SYN3: variants seen among roughly 807,000 people sequenced by gnomAD.
SYN3 encodes the protein synapsin III.
Under a neutral mutation model 65.8 loss-of-function variants are expected in SYN3, and 35 were observed. That is an observed-to-expected ratio of 0.53 (90% CI 0.41 to 0.70). The LOEUF (loss-of-function observed/expected upper bound fraction) is 0.70. SYN3 is among the 30% of genes least tolerant of loss of function. The probability of loss-of-function intolerance (pLI) is 0.00; values close to 1 mark genes in which losing one functional copy is unlikely to be tolerated. For missense variants in SYN3, 680 were observed against 749.0 expected (o/e 0.91, Z 1.08); for synonymous variants, 270 against 292.9 (o/e 0.92, Z 0.80).
At chr22:32,730,497 T>A (rs887012678) in intron 6 of SYN3, among the ~76,000 whole-genome samples, 1 of 152,202 alleles carries the variant, frequency 6.6e-6, no homozygotes, top group African/African-American at 2.4e-5. Context: ...CCTACATAAC[T>A]TGATGGGAGA....
rs1003633341 is a variant in SYN3, at chr22:32,807,149, C to T, written c.711+57766G>A. 5.3e-4 allele frequency among the ~76,000 whole-genome samples: 80 copies of T among 150,390 alleles called. 1 individual carries two copies. Among genetic ancestry groups the T allele is most frequent in the African/African-American group, 1.9e-3 (78 of 40,772 alleles). On this transcript the variant is annotated intron_variant, in intron 6 of 13. Transcript: ENST00000358763. ...CACCACATTGGCAGACTGGGTAGCT[C>T]CCCCTGGGGACCCCTAACTCATCCC...
At chr22:32,543,935 T>G (rs986107322) in intron 7 of SYN3, among the ~76,000 whole-genome samples, 4 of 152,232 alleles carry the variant, frequency 2.6e-5, no homozygotes, top group Non-Finnish European at 5.9e-5. Context: ...CCTGGGTCAC[T>G]AGCACTGTGA....
In SYN3 at chr22:32,687,448, G is replaced by C. The variant is rs1042490387; in HGVS notation, c.712-90712C>G. ...CAAAGTGCTGGGATTACAGGCATGAGCACCACGCCCGGCCGGTCTCCCTTT... is the reference window on the plus strand; with the variant it reads ...CAAAGTGCTGGGATTACAGGCATGACCACCACGCCCGGCCGGTCTCCCTTT... On this transcript the variant is annotated intron_variant, in intron 6 of 13. Transcript: ENST00000358763. 1.5e-3 allele frequency among the ~76,000 whole-genome samples: 221 copies of C among 152,228 alleles called. 1 individual carries two copies. The highest frequency in any genetic ancestry group is 5.0e-3 in the African/African-American group (209 of 41,532).
rs1158537236 is a variant in SYN3, at chr22:32,518,275, T to C, written c.1378A>G (p.Arg460Gly). 6.2e-7 allele frequency: 1 copy of C among 1,611,978 alleles called. No homozygotes were observed. The highest frequency in any genetic ancestry group is 1.7e-5 in the Admixed American group (1 of 59,868). The change falls in exon 13 of 14, where the codon AGG (arginine) becomes GGG (glycine). Residue 460 changes from arginine (R) to glycine (G), a missense_variant. Coordinates refer to ENST00000358763, the MANE Select transcript of SYN3 (RefSeq NM_003490.4). Reference protein sequence around the residue: ...PQRSGSPSQQRLSPQGQQPLS... With the variant: ...PQRSGSPSQQGLSPQGQQPLS... Reference sequence around the variant, plus strand: ...GGCTGCTGGCCTTGTGGGGAGAGCCTCTGTTGGGAGGGGCTTCCAGATCTC... The same window carrying C: ...GGCTGCTGGCCTTGTGGGGAGAGCCCCTGTTGGGAGGGGCTTCCAGATCTC...
At chr22:32,754,083 G>A (rs760717843) in intron 6 of SYN3, among the ~76,000 whole-genome samples, 7 of 152,138 alleles carry the variant, frequency 4.6e-5, no homozygotes, top group Non-Finnish European at 8.8e-5. Context: ...GCCTTTGGAC[G>A]ACTACTCCAT....
intron 7 of SYN3, among the ~76,000 whole-genome samples, chr22:32,589,245 G>A (rs910785047): frequency 2.6e-5 from 4 of 152,174 alleles, no homozygotes; most frequent in African/African-American, 9.7e-5. Context: ...CAGTTGTGGG[G>A]CTTGCCTGCT....
chr22:33,045,459 CTTTTTTTTTTTTTTTT>C lies in SYN3; in HGVS notation c.-163+12817_-163+12832del, dbSNP rs745442160. On this transcript the variant is annotated intron_variant, in intron 1 of 13. Coordinates refer to ENST00000358763, the MANE Select transcript of SYN3 (RefSeq NM_003490.4). ...TTCATCAACCAGGTGGCTCTACTTT[CTTTTTTTTTTTTTTTT>C]TTTTTTTTTTGAGATGGAGTCTCGC... Among the ~76,000 whole-genome samples, 14 of 84,724 alleles carry C rather than the reference CTTTTTTTTTTTTTTTT, an allele frequency of 1.7e-4. 1 individual carries two copies. The highest frequency in any genetic ancestry group is 5.7e-4 in the African/African-American group (13 of 22,932). The allele number at this position is 84,724 out of a possible 152,430, so 55.6% of individuals were successfully genotyped here. A position where few individuals can be genotyped will look rare whatever the true frequency, so the allele number is the denominator to read the frequency against.
intron 3 of SYN3, among the ~76,000 whole-genome samples, chr22:32,935,459 T>G (rs2050747654): frequency 6.6e-6 from 1 of 150,910 alleles, no homozygotes; most frequent in Non-Finnish European, 1.5e-5. Context: ...TTTTTTTTTT[T>G]TTTTTTTTGA....
chr22:32,564,249 C>T (rs1450735193), intron 7 of SYN3, among the ~76,000 whole-genome samples: 2 of 152,168 alleles, frequency 1.3e-5, no homozygotes, highest in Admixed American at 6.5e-5. Context: ...CATGACTGCA[C>T]GTCTTTCATA....
Position 32,946,690 on chromosome 22 carries a change from T to TA in SYN3, c.370-15210dup, listed in dbSNP as rs1230893412. 2.0e-5 allele frequency among the ~76,000 whole-genome samples: 3 copies of TA among 152,024 alleles called. No homozygotes were observed. The South Asian group carries it at 6.2e-4, about 32-fold the overall frequency. ...ATGTACCCTAGAACTTAAAGTATAA[T>TA]AAAAAAAACTTTTTTCCCTTATTTT... On this transcript the variant is annotated intron_variant, in intron 3 of 13. Coordinates refer to ENST00000358763, the MANE Select transcript of SYN3 (RefSeq NM_003490.4).
intron 6 of SYN3, among the ~76,000 whole-genome samples, chr22:32,794,232 C>A (rs1419151019): frequency 6.6e-6 from 1 of 152,220 alleles, no homozygotes; most frequent in East Asian, 1.9e-4. Context: ...TCTACACACA[C>A]CACAGCAACC....
chr22:32,976,153 A>C (rs997368875), intron 3 of SYN3, among the ~76,000 whole-genome samples: 2 of 152,248 alleles, frequency 1.3e-5, no homozygotes, highest in Admixed American at 6.5e-5. Flanking sequence ...GTCTCCCAAC[A>C]GCAGCCTCCC....
At chr22:33,026,196 G>C (rs2053639363) in intron 1 of SYN3, among the ~76,000 whole-genome samples, 1 of 152,192 alleles carries the variant, frequency 6.6e-6, no homozygotes, top group African/African-American at 2.4e-5. Flanking sequence ...AGTAACTCTT[G>C]ATAGTGAACA....
At chr22:32,634,878 T>C (rs948599881) in intron 6 of SYN3, among the ~76,000 whole-genome samples, 9 of 152,198 alleles carry the variant, frequency 5.9e-5, no homozygotes, top group African/African-American at 1.9e-4. Flanking sequence ...CAGCTTTGAA[T>C]GTGGCCCAAC....
chr22:32,857,228 T>C lies in SYN3; in HGVS notation c.711+7687A>G, dbSNP rs750374028. 14 of 1,583,154 alleles carry C rather than the reference T, an allele frequency of 8.8e-6. No individual in the cohort carries two copies. The South Asian group carries it at 1.5e-4, about 17-fold the overall frequency. On this transcript the variant is annotated intron_variant, in intron 6 of 13. Transcript: ENST00000358763. ...GTCCAAACTGGGAAAGAAGAAGTCA[T>C]GATGTTCCTTTTGCCCACAGATGTA...
chr22:32,867,317 C>T (rs930525120), intron 5 of SYN3, among the ~76,000 whole-genome samples: 5 of 152,140 alleles, frequency 3.3e-5, no homozygotes, highest in African/African-American at 1.2e-4. Flanking sequence ...ATTAAAGCAC[C>T]GCACATGCCC....
intron 6 of SYN3, among the ~76,000 whole-genome samples, chr22:32,638,397 A>C (rs1179222449): frequency 1.3e-5 from 2 of 152,256 alleles, no homozygotes; most frequent in Non-Finnish European, 2.9e-5. Flanking sequence ...ACTACTTTCC[A>C]GAGTGGCTGA....
intron 7 of SYN3, among the ~76,000 whole-genome samples, chr22:32,580,428 T>C (rs963137339): frequency 1.3e-5 from 2 of 152,158 alleles, no homozygotes; most frequent in Admixed American, 1.3e-4. Flanking sequence ...ATTGCTATAA[T>C]TGTCTGATTT....
intron 4 of SYN3, among the ~76,000 whole-genome samples, chr22:32,900,414 C>T (rs567988028): frequency 6.6e-6 from 1 of 152,148 alleles, no homozygotes; most frequent in Non-Finnish European, 1.5e-5. Flanking sequence ...TTTTAAAACC[C>T]ATTGTAAATG....
Sources: gnomAD v4.1 joint callset for allele counts (sites outside exome capture counted in the v4.1 genomes callset) on GRCh38, gnomAD v4.1.1 for gene constraint, MANE v1.5 for transcripts, NCBI Gene and HGNC (gene_info 2026-07-23, HGNC 2026-07-21) for gene names.